CDH12: variants seen among roughly 807,000 people sequenced by gnomAD.
CDH12 encodes the protein cadherin 12.
In CDH12, 41 loss-of-function variants were observed where a neutral mutation model predicts 74.1. That is an observed-to-expected ratio of 0.55 (90% CI 0.43 to 0.72). The LOEUF (loss-of-function observed/expected upper bound fraction) is 0.72, where lower values mean the gene tolerates loss of function less well. Ranked by LOEUF, CDH12 falls within the 30% of genes least tolerant of loss-of-function variation. The probability of loss-of-function intolerance (pLI) is 0.00; values close to 1 mark genes in which losing one functional copy is unlikely to be tolerated. For synonymous variants in CDH12, 399 were observed against 355.0 expected, an observed-to-expected ratio of 1.12 and a Z score of -1.39; for missense variants, 945 against 977.2, an observed-to-expected ratio of 0.97 and a Z score of 0.44.
At chr5:22,763,342 T>C (rs778812072) in intron 1 of CDH12, among the ~76,000 whole-genome samples, 1 of 151,970 alleles carries the variant, frequency 6.6e-6, no homozygotes, top group Non-Finnish European at 1.5e-5. Context: ...ACTATCATTA[T>C]CACAATATAA....
intron 1 of CDH12, among the ~76,000 whole-genome samples, chr5:22,621,980 T>C (rs1737996814): frequency 6.6e-6 from 1 of 152,144 alleles, no homozygotes; most frequent in African/African-American, 2.4e-5. Flanking sequence ...AAAAGAGTGA[T>C]TAATCCCCTA....
At chr5:22,697,599 CAT>C (rs1341512750) in intron 1 of CDH12, among the ~76,000 whole-genome samples, 3 of 145,428 alleles carry the variant, frequency 2.1e-5, no homozygotes, top group Non-Finnish European at 4.5e-5. Context: ...AGAAAGAAAA[CAT>C]ATGTATATTC....
At chr5:22,442,496 T>C (rs1440389030) in intron 2 of CDH12, among the ~76,000 whole-genome samples, 4 of 152,294 alleles carry the variant, frequency 2.6e-5, no homozygotes, top group Admixed American at 1.3e-4. Flanking sequence ...TGTTTTCCTT[T>C]TATGTTTTTA....
intron 3 of CDH12, among the ~76,000 whole-genome samples, chr5:22,333,464 C>T (rs1739432283): frequency 6.6e-6 from 1 of 151,998 alleles, no homozygotes; most frequent in African/African-American, 2.4e-5. Context: ...CATGTGTATC[C>T]TGGAACTTAA....
chr5:22,227,320 G>A (rs1752230750), intron 3 of CDH12, among the ~76,000 whole-genome samples: 1 of 152,082 alleles, frequency 6.6e-6, no homozygotes, highest in Non-Finnish European at 1.5e-5. Context: ...TAGATACTCA[G>A]AGATCCCAAG....
rs185194888 is a variant in CDH12, at chr5:22,537,860, G to A, written c.-522-32496C>T. On this transcript the variant is annotated intron_variant, in intron 1 of 14. Coordinates refer to ENST00000382254, the MANE Select transcript of CDH12 (RefSeq NM_004061.5). Reference sequence around the variant, plus strand: ...CTTTTACTCTTACAGTATCACTTCTGAAGACTTTAAGAAAAGGCTGTGAAT... The same window carrying A: ...CTTTTACTCTTACAGTATCACTTCTAAAGACTTTAAGAAAAGGCTGTGAAT... 6.6e-4 allele frequency among the ~76,000 whole-genome samples: 100 copies of A among 152,312 alleles called. 1 individual carries two copies. The highest frequency in any genetic ancestry group is 1.1e-3 in the Non-Finnish European group (74 of 68,034).
chr5:22,003,078 G>A (rs1407400071), intron 5 of CDH12, among the ~76,000 whole-genome samples: 4 of 152,032 alleles, frequency 2.6e-5, no homozygotes, highest in Non-Finnish European at 4.4e-5. Context: ...ACCTGTATGG[G>A]AAATATATAT....
intron 5 of CDH12, among the ~76,000 whole-genome samples, chr5:22,021,218 T>G (rs1351093142): frequency 1.3e-5 from 2 of 152,208 alleles, no homozygotes; most frequent in African/African-American, 2.4e-5. Context: ...TGACACAAAG[T>G]TTGCATTAAG....
intron 4 of CDH12, among the ~76,000 whole-genome samples, chr5:22,153,436 G>C (rs1283504370): frequency 1.3e-5 from 2 of 151,656 alleles, no homozygotes; most frequent in Non-Finnish European, 2.9e-5. Context: ...TTTTCTATTA[G>C]AGTTTGGAAT....
intron 5 of CDH12, among the ~76,000 whole-genome samples, chr5:21,980,262 C>T (rs1040717703): frequency 1.3e-5 from 2 of 151,490 alleles, no homozygotes; most frequent in Non-Finnish European, 2.9e-5. Context: ...ATAAAATATG[C>T]ATCTTTTTGT....
chr5:22,385,385 G>A (rs1741954656), intron 3 of CDH12, among the ~76,000 whole-genome samples: 1 of 152,088 alleles, frequency 6.6e-6, no homozygotes, highest in South Asian at 2.1e-4. Flanking sequence ...TAATAAGATA[G>A]GCTGCTTTCT....
At chr5:22,132,337 A>G (rs1332472456) in intron 4 of CDH12, among the ~76,000 whole-genome samples, 2 of 151,996 alleles carry the variant, frequency 1.3e-5, no homozygotes, top group Admixed American at 1.3e-4. Context: ...ACCTGCAAAC[A>G]GGGGGCCCTT....
chr5:22,112,812 T>C (rs536717489), intron 4 of CDH12, among the ~76,000 whole-genome samples: 3 of 152,178 alleles, frequency 2.0e-5, no homozygotes, highest in Non-Finnish European at 2.9e-5. Context: ...CCTGGCTATA[T>C]GACTTTATGC....
chr5:22,807,514 A>G (rs549438652), intron 1 of CDH12, among the ~76,000 whole-genome samples: 1 of 152,306 alleles, frequency 6.6e-6, no homozygotes, highest in South Asian at 2.1e-4. Flanking sequence ...CTGCTTAATG[A>G]CAGAGATATA....
Position 22,529,877 on chromosome 5 carries a change from T to C in CDH12, c.-522-24513A>G, listed in dbSNP as rs150133106. ...AAGGGCAACAGATGTTCAGCATGAATGGACCCTCTGCAGGCTCACAGTCTG... is the reference window on the plus strand; with the variant it reads ...AAGGGCAACAGATGTTCAGCATGAACGGACCCTCTGCAGGCTCACAGTCTG... On this transcript the variant is annotated intron_variant, in intron 1 of 14. Coordinates refer to ENST00000382254, the MANE Select transcript of CDH12 (RefSeq NM_004061.5). Among the ~76,000 whole-genome samples the C allele has an allele frequency of 6.2e-3, 946 of 152,258 alleles. 6 individuals are homozygous for C. The highest frequency in any genetic ancestry group is 0.047 in the South Asian group (225 of 4,826).
At chr5:22,838,646 A>C (rs1736939146) in intron 1 of CDH12, among the ~76,000 whole-genome samples, 1 of 112,682 alleles carries the variant, frequency 8.9e-6, no homozygotes. Flanking sequence ...GGTGTGTGAG[A>C]GTGTCTGTGT....
chr5:21,820,039 T>C (rs141498241), intron 8 of CDH12, among the ~76,000 whole-genome samples: 3 of 152,034 alleles, frequency 2.0e-5, no homozygotes, highest in East Asian at 3.9e-4. Context: ...TAATGGATTA[T>C]GGTTAGTGAA....
intron 4 of CDH12, among the ~76,000 whole-genome samples, chr5:22,119,116 T>C (rs1745344255): frequency 6.6e-6 from 1 of 152,080 alleles, no homozygotes; most frequent in Non-Finnish European, 1.5e-5. Flanking sequence ...CTGTGTACAT[T>C]ACATGCAGAT....
chr5:21,880,617 T>TCTCTCTC (rs1175606424), intron 6 of CDH12, among the ~76,000 whole-genome samples: 43 of 54,016 alleles, frequency 8.0e-4, no homozygotes, highest in African/African-American at 3.5e-3. Context: ...CCTTCCTTCC[T>TCTCTCTC]TCTTTCTTTC....
Sources: allele counts gnomAD v4.1 joint callset (sites outside exome capture counted in the v4.1 genomes callset), GRCh38; gene constraint gnomAD v4.1.1; transcripts MANE v1.5; gene names NCBI Gene and HGNC (gene_info 2026-07-23, HGNC 2026-07-21).